The following PARPBP variants were observed in gnomAD, a reference collection of about 807,000 sequenced individuals.
PARPBP encodes the protein PARP1 binding protein.
PARPBP carries 52 observed loss-of-function variants against 50.0 expected under a neutral mutation model. That is an observed-to-expected ratio of 1.04 (90% confidence interval 0.83 to 1.31). The LOEUF is 1.31. Among genes scored for constraint, PARPBP ranks in the 50% most tolerant of loss-of-function variants. The pLI is 0.00. For synonymous variants in PARPBP, 244 were observed against 232.1 expected (o/e 1.05, Z -0.47); for missense variants, 697 against 672.0 (o/e 1.04, Z -0.41).
intron 9 of PARPBP, among the ~76,000 whole-genome samples, chr12:102,194,356 T>G (rs143510754): frequency 4.5e-4 from 68 of 152,044 alleles, no homozygotes; most frequent in African/African-American, 1.6e-3. Context: ...TATTTGAAAC[T>G]TTGTCTATGT....
rs949858091 is a variant in PARPBP at position 102,123,908 on chromosome 12, A to T, written c.20A>T (p.Lys7Met). The T allele has an allele frequency of 6.5e-7, 1 of 1,535,064 alleles. No homozygotes were observed. Among genetic ancestry groups the T allele is most frequent in the Non-Finnish European group, 8.7e-7 (1 of 1,146,000 alleles). Residue 7 changes from lysine (K) to methionine (M), a missense_variant, in exon 2 of 11, where the codon AAG (lysine) becomes ATG (methionine). Coordinates refer to ENST00000327680, the MANE Select transcript of PARPBP (RefSeq NM_017915.5). ...AAGATAATGGCTGTGTTTAATCAGAAGTCTGTCTCGGATATGATTAAAGAG... is the reference window on the plus strand; with the variant it reads ...AAGATAATGGCTGTGTTTAATCAGATGTCTGTCTCGGATATGATTAAAGAG... MAVFNQ[K>M]SVSDMIKEFR...
chr12:102,134,020 C>G (rs889139185), intron 2 of PARPBP, among the ~76,000 whole-genome samples: 1 of 151,490 alleles, frequency 6.6e-6, no homozygotes, highest in African/African-American at 2.4e-5. Context: ...AAAAAAAGAT[C>G]TTTAATAAAC....
intron 5 of PARPBP, 106 bp downstream of exon 5, chr12:102,164,714 T>C (rs763656562): frequency 2.3e-6 from 2 of 873,162 alleles, no homozygotes; most frequent in East Asian, 4.9e-5. Flanking sequence ...GGTTAATTTA[T>C]GTTCTACCTC....
intron 1 of PARPBP, among the ~76,000 whole-genome samples, chr12:102,123,553 T>C (rs182136675): frequency 1.3e-5 from 2 of 151,620 alleles, no homozygotes; most frequent in Admixed American, 1.3e-4. Context: ...AAAACAAATA[T>C]ATATATTTAA....
At chr12:102,171,416 T>A (rs1456958045) in intron 6 of PARPBP, among the ~76,000 whole-genome samples, 1 of 152,124 alleles carries the variant, frequency 6.6e-6, no homozygotes, top group Non-Finnish European at 1.5e-5. Flanking sequence ...CATTATAATA[T>A]TATGGGACTA....
chr12:102,126,981 T>C (rs962416996), intron 2 of PARPBP, among the ~76,000 whole-genome samples: 2 of 152,216 alleles, frequency 1.3e-5, no homozygotes, highest in African/African-American at 4.8e-5. Context: ...GAAGTTCTTT[T>C]GTGTTATGAA....
intron 4 of PARPBP, among the ~76,000 whole-genome samples, chr12:102,158,637 T>C (rs1887223273): frequency 6.6e-6 from 1 of 152,132 alleles, no homozygotes. Flanking sequence ...TTCTTTTCCC[T>C]TGATGCTCCA....
At chr12:102,177,103 G>A (rs1038181060) in intron 7 of PARPBP, among the ~76,000 whole-genome samples, 1 of 152,170 alleles carries the variant, frequency 6.6e-6, no homozygotes, top group African/African-American at 2.4e-5. Flanking sequence ...AAGGAATATG[G>A]AATTCTGTGG....
At chr12:102,133,567 G>A (rs1373938682) in intron 2 of PARPBP, among the ~76,000 whole-genome samples, 2 of 151,710 alleles carry the variant, frequency 1.3e-5, no homozygotes, top group Non-Finnish European at 2.9e-5. Flanking sequence ...TTGCATATGT[G>A]TTCATTATGG....
intron 2 of PARPBP, among the ~76,000 whole-genome samples, chr12:102,147,049 A>G (rs1210067570): frequency 6.6e-6 from 1 of 152,144 alleles, no homozygotes; most frequent in Admixed American, 6.5e-5. Context: ...AATGGCAATC[A>G]TTAAAAAGTC....
Position 102,178,627 on chromosome 12 carries a change from CT to C in PARPBP, c.1042del (p.Cys348ValfsTer6). On this transcript the variant is annotated frameshift_variant, in exon 8 of 11. Transcript: ENST00000327680. LOFTEE classifies it high-confidence loss of function. ...ATGCCATAAACCATGGTACTGCATA[CT>C]GTGGCAGAGATACTGTGAAAGCCTT... ...SHAINHGTAY[C>X]GRDTVKALLV... 6.2e-7 allele frequency: 1 copy of C among 1,612,600 alleles called. No homozygotes were observed. The highest frequency in any genetic ancestry group is 1.7e-5 in the Admixed American group (1 of 59,818).
chr12:102,188,041 A>G (rs923705917), intron 9 of PARPBP, among the ~76,000 whole-genome samples: 4 of 152,162 alleles, frequency 2.6e-5, no homozygotes, highest in Non-Finnish European at 4.4e-5. Context: ...GCCCATGTAA[A>G]GGAACTCTAT....
At chr12:102,171,034 C>T (rs746129293) in intron 6 of PARPBP, among the ~76,000 whole-genome samples, 4 of 151,636 alleles carry the variant, frequency 2.6e-5, no homozygotes, top group Non-Finnish European at 5.9e-5. Context: ...CATCTTGTCC[C>T]ACTGGAAAAT....
chr12:102,152,543 T>C (rs1326281983), intron 3 of PARPBP, among the ~76,000 whole-genome samples: 9 of 152,238 alleles, frequency 5.9e-5, no homozygotes, highest in African/African-American at 1.9e-4. Flanking sequence ...TTGTAAGTTT[T>C]ATGAGCTAGT....
At chr12:102,181,254 A>G (rs1275062183) in intron 8 of PARPBP, among the ~76,000 whole-genome samples, 2 of 152,206 alleles carry the variant, frequency 1.3e-5, no homozygotes, top group Non-Finnish European at 2.9e-5. Context: ...AGCTCATGAA[A>G]CATTTAGTTA....
intron 9 of PARPBP, among the ~76,000 whole-genome samples, chr12:102,192,784 C>T (rs1010719529): frequency 6.6e-6 from 1 of 151,846 alleles, no homozygotes; most frequent in Non-Finnish European, 1.5e-5. Context: ...GTTGTAGAAG[C>T]CATCCTAGTA....
At chr12:102,177,190 A>G (rs1307037814) in intron 7 of PARPBP, among the ~76,000 whole-genome samples, 1 of 152,238 alleles carries the variant, frequency 6.6e-6, no homozygotes, top group East Asian at 1.9e-4. Flanking sequence ...TATATACATT[A>G]TAGTTCACCT....
chr12:102,173,806 C>T (rs1318973713), intron 6 of PARPBP, among the ~76,000 whole-genome samples: 1 of 150,562 alleles, frequency 6.6e-6, no homozygotes, highest in African/African-American at 2.5e-5. Flanking sequence ...GCTTACTATG[C>T]ACAGCTTTCG....
At position 102,148,469 on chromosome 12, in the gene PARPBP, T is replaced by C. The variant is rs1488528063; in HGVS notation, c.387+6T>C. 9.1e-7 allele frequency: 1 copy of C among 1,102,736 alleles called. No individual in the cohort carries two copies. Among genetic ancestry groups the C allele is most frequent in the East Asian group, 2.5e-5 (1 of 40,452 alleles). The allele number at this position is 1,102,736 out of a possible 1,614,324, so 68.3% of individuals were successfully genotyped here. ...ATTATAACACAGTATCTCCTGTAAG[T>C]ATTTTTTAAACAATTCTATTTTAAT... On this transcript the variant is annotated splice_donor_region_variant and intron_variant, in intron 3 of 10. Transcript: ENST00000327680.
Sources: allele counts gnomAD v4.1 joint callset (sites outside exome capture counted in the v4.1 genomes callset), GRCh38; gene constraint gnomAD v4.1.1; transcripts MANE v1.5; gene names NCBI Gene and HGNC (gene_info 2026-07-23, HGNC 2026-07-21).